Variants in ARL15 observed in about 807,000 individuals in gnomAD.
ARL15 encodes the protein ADP-ribosylation factor-like protein 15.
In ARL15, 19 loss-of-function variants were observed where a neutral mutation model predicts 25.2. The observed-to-expected ratio is 0.75, with a 90% CI of 0.53 to 1.10. ARL15 has a LOEUF of 1.10. Among genes scored for constraint, ARL15 ranks in the 50% least tolerant of loss-of-function variants. The pLI is 0.00. For missense variants in ARL15, 220 were observed against 246.0 expected, an observed-to-expected ratio of 0.89 and a Z score of 0.71; for synonymous variants, 94 against 86.8, an observed-to-expected ratio of 1.08 and a Z score of -0.46.
At chr5:54,121,500 G>A (rs947740435) in intron 3 of ARL15, among the ~76,000 whole-genome samples, 128 of 152,224 alleles carry the variant, frequency 8.4e-4, no homozygotes, top group African/African-American at 2.9e-3. Flanking sequence ...TGTGCATATC[G>A]AATTATGTAA....
chr5:53,959,013 A>G (rs1335031471), intron 4 of ARL15, among the ~76,000 whole-genome samples: 4 of 152,178 alleles, frequency 2.6e-5, no homozygotes, highest in Non-Finnish European at 4.4e-5. Flanking sequence ...TAGATGAAAA[A>G]TCAGTGAGGA....
At chr5:54,048,714 A>T (rs893156792) in intron 4 of ARL15, among the ~76,000 whole-genome samples, 12 of 150,648 alleles carry the variant, frequency 8.0e-5, no homozygotes, top group Admixed American at 2.7e-4. Context: ...AAAATTCTAT[A>T]TTTCATGATA....
Position 54,251,159 on chromosome 5 carries a change from G to A in ARL15, c.48+59273C>T, listed in dbSNP as rs10070017. Among the ~76,000 whole-genome samples the A allele has an allele frequency of 3.9e-3, 592 of 152,190 alleles. 6 individuals are homozygous for A. The highest frequency in any genetic ancestry group is 0.013 in the African/African-American group (560 of 41,528). On this transcript the variant is annotated intron_variant, in intron 1 of 4. Transcript: ENST00000504924. ...CCCCTCCCCTAATTCAGGTAAGAAG[G>A]AAGAAGATAAGTAAACAATGATGTA... is the stretch of plus-strand genomic sequence containing the variant.
At chr5:54,287,052 T>A (rs1485924698) in intron 1 of ARL15, among the ~76,000 whole-genome samples, 1 of 151,824 alleles carries the variant, frequency 6.6e-6, no homozygotes, top group African/African-American at 2.4e-5. Flanking sequence ...TAATTTTGTT[T>A]ATTTTTTTGT....
At chr5:54,056,999 A>C (rs1004034097) in intron 4 of ARL15, among the ~76,000 whole-genome samples, 21 of 152,286 alleles carry the variant, frequency 1.4e-4, no homozygotes, top group African/African-American at 5.1e-4. Context: ...CGAACATAGA[A>C]TAATGCAATA....
chr5:54,078,817 T>C (rs1419032861), intron 4 of ARL15, among the ~76,000 whole-genome samples: 1 of 152,178 alleles, frequency 6.6e-6, no homozygotes, highest in Admixed American at 6.5e-5. Flanking sequence ...TAAACCTTGA[T>C]AGCATAAAAA....
At chr5:54,266,806 T>A (rs944904464) in intron 1 of ARL15, among the ~76,000 whole-genome samples, 3 of 152,160 alleles carry the variant, frequency 2.0e-5, no homozygotes, top group Non-Finnish European at 4.4e-5. Context: ...AGGAAAACCA[T>A]GTGAGATACT....
chr5:54,087,756 A>ATG (rs1329259694), intron 4 of ARL15, among the ~76,000 whole-genome samples: 1 of 152,038 alleles, frequency 6.6e-6, no homozygotes, highest in Non-Finnish European at 1.5e-5. Context: ...ATATATATAT[A>ATG]TTTGAGTCTC....
At chr5:54,202,117 A>AT (rs1476830932) in intron 1 of ARL15, among the ~76,000 whole-genome samples, 1 of 152,190 alleles carries the variant, frequency 6.6e-6, no homozygotes, top group African/African-American at 2.4e-5. Context: ...TATTTAACTT[A>AT]TTTCTTAGGC....
intron 4 of ARL15, among the ~76,000 whole-genome samples, chr5:53,977,354 C>CAA (rs397884651): frequency 0.018 from 1,651 of 90,076 alleles, 36 homozygotes; most frequent in African/African-American, 0.052. Flanking sequence ...GACTCCGCCT[C>CAA]AAAAAAAAAA....
chr5:54,196,006 G>A (rs1334379734), intron 1 of ARL15, among the ~76,000 whole-genome samples: 1 of 152,046 alleles, frequency 6.6e-6, no homozygotes, highest in African/African-American at 2.4e-5. Context: ...CTGTGAATAT[G>A]CTAGGACATA....
At chr5:54,004,084 C>T (rs1748939605) in intron 4 of ARL15, among the ~76,000 whole-genome samples, 1 of 152,174 alleles carries the variant, frequency 6.6e-6, no homozygotes. Flanking sequence ...AACCAATTTC[C>T]TTGCCATCGC....
At chr5:54,150,775 G>A (rs182882281) in intron 3 of ARL15, among the ~76,000 whole-genome samples, 1 of 151,162 alleles carries the variant, frequency 6.6e-6, no homozygotes, top group Non-Finnish European at 1.5e-5. Flanking sequence ...TCCATCCTGG[G>A]CAACGGAGCA....
chr5:54,032,000 C>T (rs1750007641), intron 4 of ARL15, among the ~76,000 whole-genome samples: 1 of 152,142 alleles, frequency 6.6e-6, no homozygotes, highest in Non-Finnish European at 1.5e-5. Context: ...ATATAATTGG[C>T]ATGATTAAGG....
At chr5:54,071,510 T>TTCC (rs1751417503) in intron 4 of ARL15, among the ~76,000 whole-genome samples, 17 of 64,044 alleles carry the variant, frequency 2.7e-4, no homozygotes, top group African/African-American at 4.1e-4. Flanking sequence ...CCACCGCCTT[T>TTCC]CCCCCCCCCC....
chr5:54,059,378 T>C (rs1280594684), intron 4 of ARL15, among the ~76,000 whole-genome samples: 1 of 152,236 alleles, frequency 6.6e-6, no homozygotes, highest in Non-Finnish European at 1.5e-5. Flanking sequence ...GAACTCATCT[T>C]GTGGGTCCTC....
intron 1 of ARL15, among the ~76,000 whole-genome samples, chr5:54,239,882 T>C (rs992265141): frequency 1.3e-5 from 2 of 152,118 alleles, no homozygotes; most frequent in African/African-American, 4.8e-5. Context: ...GGGACAGAAA[T>C]AACTTTCTAA....
chr5:53,894,751 G>A (rs1744819910), intron 4 of ARL15, among the ~76,000 whole-genome samples: 1 of 152,062 alleles, frequency 6.6e-6, no homozygotes, highest in Admixed American at 6.5e-5. Flanking sequence ...TCCAACCCTA[G>A]GTGCCTCCAT....
chr5:53,917,606 T>C (rs534222122), intron 4 of ARL15, among the ~76,000 whole-genome samples: 3 of 152,232 alleles, frequency 2.0e-5, no homozygotes, highest in Admixed American at 6.5e-5. Context: ...CATCAGAAAA[T>C]AGATCTCTTT....
Sources: allele counts gnomAD v4.1 joint callset (sites outside exome capture counted in the v4.1 genomes callset), GRCh38; gene constraint gnomAD v4.1.1; transcripts MANE v1.5; gene names NCBI Gene and HGNC (gene_info 2026-07-23, HGNC 2026-07-21).